MARCHF6: variants seen among roughly 807,000 people sequenced by gnomAD.
MARCHF6 encodes E3 ubiquitin-protein ligase MARCHF6.
A neutral mutation model predicts 133.7 loss-of-function variants in MARCHF6; 31 were observed. That is an observed-to-expected ratio of 0.23 (90% CI 0.17 to 0.31). The LOEUF (loss-of-function observed/expected upper bound fraction) is 0.31. Among genes scored for constraint, MARCHF6 ranks in the 10% least tolerant of loss-of-function variants. The pLI, the probability that MARCHF6 is intolerant of heterozygous loss-of-function variation, is 1.00. For synonymous variants in MARCHF6, 395 were observed against 402.5 expected, an observed-to-expected ratio of 0.98 and a Z score of 0.22; for missense variants, 723 against 1,121.6, an observed-to-expected ratio of 0.64 and a Z score of 5.08.
intron 6 of MARCHF6, among the ~76,000 whole-genome samples, 192 bp from the exon 7 acceptor site, chr5:10,391,350 C>G (rs773790218): frequency 4.1e-5 from 6 of 145,542 alleles, no homozygotes; most frequent in African/African-American, 7.6e-5. Context: ...CCAGGCTGGT[C>G]TTGAACTCTT....
chr5:10,399,710 C>G (rs1425909129), intron 10 of MARCHF6, among the ~76,000 whole-genome samples: 1 of 152,124 alleles, frequency 6.6e-6, no homozygotes, highest in Non-Finnish European at 1.5e-5. Flanking sequence ...CCCTTACATA[C>G]CATTTTGCAG....
At position 10,414,450 on chromosome 5, in the gene MARCHF6, C is replaced by T. The variant is rs1011534091; in HGVS notation, c.1914C>T (p.Val638=). The T allele has an allele frequency of 6.2e-7, 1 of 1,612,300 alleles. No individual in the cohort carries two copies. ...CTTTGCAGATATTTCTGTTGATTGT[C>T]TTCATGTGTATAACATTACTGATTG... ...NFPLRIFLLI[V]FMCITLLIAS... Residue 638 remains valine (V), a synonymous_variant, in exon 20 of 26, where the codon GTC becomes GTT. Coordinates refer to ENST00000274140, the MANE Select transcript of MARCHF6 (RefSeq NM_005885.4).
rs1740532732 is a variant in MARCHF6 at position 10,434,930 on chromosome 5, T to TA, written c.*1247dup. The TA allele has an allele frequency of 6.5e-6, 1 of 152,678 alleles. No individual in the cohort carries two copies. Among genetic ancestry groups the TA allele is most frequent in the South Asian group, 2.1e-4 (1 of 4,834 alleles). 9.5% of individuals were successfully genotyped at this position (152,678 alleles called of 1,614,324 possible). On this transcript the variant is annotated 3_prime_UTR_variant, in exon 26 of 26. Coordinates refer to ENST00000274140, the MANE Select transcript of MARCHF6 (RefSeq NM_005885.4). ...GAAAAATCTCAGAGAACTGAACCCTTACAAACTTTGTTTTCCCTCATAACC... is the reference window on the plus strand; with the variant it reads ...GAAAAATCTCAGAGAACTGAACCCTTAACAAACTTTGTTTTCCCTCATAACC...
In MARCHF6 at chr5:10,353,889, C is replaced by G. The variant is rs745623962; in HGVS notation, c.-10C>G. Reference sequence around the variant, plus strand: ...CTCGTGGCTGCGTCACCGCCGCCCCCCCAGACAAGATGGACACCGCGGAGG... The same window carrying G: ...CTCGTGGCTGCGTCACCGCCGCCCCGCCAGACAAGATGGACACCGCGGAGG... On this transcript the variant is annotated 5_prime_UTR_variant, in exon 1 of 26. Transcript: ENST00000274140. 1.9e-5 allele frequency: 29 copies of G among 1,565,226 alleles called. No homozygotes were observed. Among genetic ancestry groups the G allele is most frequent in the East Asian group, 2.4e-5 (1 of 41,826 alleles).
intron 1 of MARCHF6, among the ~76,000 whole-genome samples, chr5:10,362,439 T>G (rs1440361902): frequency 6.6e-6 from 1 of 152,240 alleles, no homozygotes; most frequent in East Asian, 1.9e-4. Flanking sequence ...AAGACCCCTT[T>G]ACATTCTTAA....
At chr5:10,360,037 C>G (rs986222273) in intron 1 of MARCHF6, among the ~76,000 whole-genome samples, 1 of 150,822 alleles carries the variant, frequency 6.6e-6, no homozygotes, top group Admixed American at 6.6e-5. Context: ...GTGTATTAAT[C>G]TACTGTTTAT....
In MARCHF6 at chr5:10,366,546, T is replaced by C. The variant is rs548142699; in HGVS notation, c.20-11252T>C. 1.4e-4 allele frequency among the ~76,000 whole-genome samples: 22 copies of C among 152,326 alleles called. No individual in the cohort carries two copies. In the South Asian group the frequency reaches 4.6e-3, roughly 32 times the overall value. On this transcript the variant is annotated intron_variant, in intron 1 of 25. Transcript: ENST00000274140. ...CTGTTACTACTTGAGACCGTCATTA[T>C]GAGACTGAGTGAAGGGGGACAAATG...
At chr5:10,410,320 G>A (rs759950422) in intron 18 of MARCHF6, 44 bp downstream of exon 18, 46 of 1,594,102 alleles carry the variant, frequency 2.9e-5, no homozygotes, top group South Asian at 2.7e-4. Context: ...TGTCATTTGT[G>A]ACTATGGAAT....
chr5:10,408,537 A>C (rs1739040366), intron 17 of MARCHF6, among the ~76,000 whole-genome samples: 1 of 152,076 alleles, frequency 6.6e-6, no homozygotes, highest in Non-Finnish European at 1.5e-5. Flanking sequence ...AAGGTTTTTA[A>C]ATTTTATTTT....
rs1739569494 is a variant in MARCHF6, at chr5:10,417,386, T to G, written c.2265T>G (p.Pro755=). 3.7e-6 allele frequency: 6 copies of G among 1,613,744 alleles called. No individual in the cohort carries two copies. In the Admixed American group the frequency reaches 8.3e-5, roughly 22 times the overall value. ...APLRVPLDQT[P]LFYPWQDWAL... ...TGAGGGTTCCCTTGGATCAGACTCC[T>G]CTTTTTTATCCATGGCAGGTAAATG... Residue 755 remains proline (P), a synonymous_variant, in exon 22 of 26, where the codon CCT becomes CCG. Coordinates refer to ENST00000274140, the MANE Select transcript of MARCHF6 (RefSeq NM_005885.4).
At chr5:10,354,155 CG>C (rs1735292295) in intron 1 of MARCHF6, among the ~76,000 whole-genome samples, 1 of 151,902 alleles carries the variant, frequency 6.6e-6, no homozygotes, top group Admixed American at 6.6e-5. Flanking sequence ...GGGCCGGGGC[CG>C]GGGTCGGGGC....
intron 10 of MARCHF6, among the ~76,000 whole-genome samples, chr5:10,399,287 A>G (rs1009395656): frequency 5.3e-5 from 8 of 152,004 alleles, no homozygotes; most frequent in African/African-American, 1.7e-4. Context: ...ATTACACACA[A>G]TATGTTAGTA....
intron 16 of MARCHF6, 84 bp downstream of exon 16, chr5:10,405,761 C>T: frequency 2.4e-6 from 3 of 1,269,756 alleles, no homozygotes; most frequent in Non-Finnish European, 3.2e-6. Flanking sequence ...TTCCAGTTCT[C>T]AAGCAGGCTG....
rs16884658 is a variant in MARCHF6 at position 10,405,623 on chromosome 5, G to A, written c.1398G>A (p.Gln466=). 0.01 allele frequency: 16,103 copies of A among 1,610,208 alleles called. 1,296 individuals are homozygous for A. The African/African-American group carries it at 0.18, about 18-fold the overall frequency. ...NLNDPDFNPV[Q]EMIHLPIYRH... ...ATGATCCAGATTTCAATCCAGTACA[G>A]GAAATGATCCATTTGCCAATATATA... The change falls in exon 16 of 26, where the codon CAG becomes CAA. Residue 466 remains glutamine (Q), a synonymous_variant. Coordinates refer to ENST00000274140, the MANE Select transcript of MARCHF6 (RefSeq NM_005885.4).
In MARCHF6 at chr5:10,414,449, T is replaced by G. The variant is rs1309914596; in HGVS notation, c.1913T>G (p.Val638Gly). ...ACTTTGCAGATATTTCTGTTGATTGTCTTCATGTGTATAACATTACTGATT... is the reference window on the plus strand; with the variant it reads ...ACTTTGCAGATATTTCTGTTGATTGGCTTCATGTGTATAACATTACTGATT... ...NFPLRIFLLI[V>G]FMCITLLIAS... The change falls in exon 20 of 26, where the codon GTC (valine) becomes GGC (glycine). Residue 638 changes from valine (V) to glycine (G), a missense_variant. Val to Gly is a moderately radical substitution (Grantham distance 109). Coordinates refer to ENST00000274140, the MANE Select transcript of MARCHF6 (RefSeq NM_005885.4). 2.5e-6 allele frequency: 4 copies of G among 1,612,532 alleles called. No homozygotes were observed. The African/African-American group carries it at 5.3e-5, about 21-fold the overall frequency.
intron 1 of MARCHF6, among the ~76,000 whole-genome samples, chr5:10,371,424 A>G (rs1736457314): frequency 6.6e-6 from 1 of 152,226 alleles, no homozygotes; most frequent in South Asian, 2.1e-4. Flanking sequence ...ATGGACTTAC[A>G]GTTCCATGTG....
At position 10,394,742 on chromosome 5, in the gene MARCHF6, G is replaced by A; in HGVS notation, c.829-11G>A. The A allele has an allele frequency of 6.4e-7, 1 of 1,564,486 alleles. No homozygotes were observed. Among genetic ancestry groups the A allele is most frequent in the East Asian group, 2.3e-5 (1 of 43,876 alleles). On this transcript the variant is annotated splice_polypyrimidine_tract_variant and intron_variant, in intron 8 of 25. Transcript: ENST00000274140. Reference sequence around the variant, plus strand: ...TCTTAAATTAATGCTTATCGTTTTTGTTTATTTTAGATGCTAGGACTTGAT... The same window carrying A: ...TCTTAAATTAATGCTTATCGTTTTTATTTATTTTAGATGCTAGGACTTGAT...
rs35357016 is a variant in MARCHF6 at position 10,425,472 on chromosome 5, G to A, written c.2374-918G>A. ...TCATTGTTTTCTCTTGCGTATGTGC[G>A]TGTGTGTCTCTGTAAATTTAAGAAA... On this transcript the variant is annotated intron_variant, in intron 23 of 25. Transcript: ENST00000274140. Among the ~76,000 whole-genome samples, 615 of 152,222 alleles carry A rather than the reference G, an allele frequency of 4.0e-3. 4 individuals are homozygous for A. Among genetic ancestry groups the A allele is most frequent in the Middle Eastern group, 6.8e-3 (2 of 294 alleles).
At chr5:10,360,429 G>A (rs867517316) in intron 1 of MARCHF6, among the ~76,000 whole-genome samples, 4 of 152,066 alleles carry the variant, frequency 2.6e-5, no homozygotes, top group South Asian at 2.1e-4. Flanking sequence ...GTGAGCCACC[G>A]CGCCCGGCTG....
Sources: allele counts gnomAD v4.1 joint callset (sites outside exome capture counted in the v4.1 genomes callset), GRCh38; gene constraint gnomAD v4.1.1; transcripts MANE v1.5; gene names NCBI Gene and HGNC (gene_info 2026-07-23, HGNC 2026-07-21).